C10orf88: variants seen among roughly 807,000 people sequenced by gnomAD.
C10orf88 encodes the protein ATPase PAAT.
In C10orf88, 29 loss-of-function variants were observed where a neutral mutation model predicts 34.2. That is an observed-to-expected ratio of 0.85 (90% CI 0.63 to 1.16). The LOEUF (loss-of-function observed/expected upper bound fraction) is 1.16, where lower values mean the gene tolerates loss of function less well. Ranked by LOEUF, C10orf88 falls within the 50% of genes most tolerant of loss-of-function variation. The pLI is 0.00. For missense variants in C10orf88, 507 were observed against 533.2 expected (o/e 0.95, Z 0.48); for synonymous variants, 194 against 197.4 (o/e 0.98, Z 0.15).
In C10orf88 at chr10:122,939,577, T is replaced by C. The variant is rs570019938; in HGVS notation, c.649-1418A>G. On this transcript the variant is annotated intron_variant, in intron 4 of 5. Transcript: ENST00000481909. ...CCTACTGTAAGTTTATCTTGTTTTA[T>C]AAAATGCAAGTTTTGAATAAACTTG... Among the ~76,000 whole-genome samples, 50 of 152,044 alleles carry C rather than the reference T, an allele frequency of 3.3e-4. No homozygotes were observed. In the South Asian group the frequency reaches 6.4e-3, roughly 20 times the overall value.
Position 122,930,902 on chromosome 10 carries a change from A to C in C10orf88, c.*1525T>G, listed in dbSNP as rs2133325255. 6.6e-6 allele frequency: 1 copy of C among 152,378 alleles called. No homozygotes were observed. Among genetic ancestry groups the C allele is most frequent in the East Asian group, 1.9e-4 (1 of 5,194 alleles). The allele number at this position is 152,378 out of a possible 1,614,324, so 9.4% of individuals were successfully genotyped here. A position where few individuals can be genotyped will look rare whatever the true frequency, so the allele number is the denominator to read the frequency against. On this transcript the variant is annotated 3_prime_UTR_variant, in exon 6 of 6. Coordinates refer to ENST00000481909, the MANE Select transcript of C10orf88 (RefSeq NM_024942.4). ...CAAAGCCAATACGTGAAACCAAAAA[A>C]GAGTGACAAACACTGCAGGTTTTAT...
At chr10:122,946,639 A>G (rs1178082687) in intron 4 of C10orf88, among the ~76,000 whole-genome samples, 18 of 152,342 alleles carry the variant, frequency 1.2e-4, no homozygotes, top group Non-Finnish European at 1.5e-5. Flanking sequence ...TGAGATAAAC[A>G]TGCAACCAAT....
At chr10:122,939,951 G>A (rs558509505) in intron 4 of C10orf88, among the ~76,000 whole-genome samples, 1 of 151,874 alleles carries the variant, frequency 6.6e-6, no homozygotes, top group Non-Finnish European at 1.5e-5. Context: ...CATTGGTTAA[G>A]AATGTAAAAT....
intron 4 of C10orf88, among the ~76,000 whole-genome samples, chr10:122,942,809 G>C (rs1211972691): frequency 1.5e-4 from 23 of 150,774 alleles, no homozygotes; most frequent in African/African-American, 7.3e-5. Context: ...TAGGAATCCA[G>C]CTTACAAGGG....
At chr10:122,948,917 C>T in intron 3 of C10orf88, 62 bp from the exon 4 acceptor site, 2 of 1,430,776 alleles carry the variant, frequency 1.4e-6, no homozygotes, top group Non-Finnish European at 1.9e-6. Flanking sequence ...TTTAATGTAA[C>T]TTCTTGGTAT....
In C10orf88 at chr10:122,932,165, A is replaced by G. The variant is rs917747836; in HGVS notation, c.*262T>C. On this transcript the variant is annotated 3_prime_UTR_variant, in exon 6 of 6. Coordinates refer to ENST00000481909, the MANE Select transcript of C10orf88 (RefSeq NM_024942.4). ...TATTAGAAATCCTCAAGCATTTTAA[A>G]CTCTTAACACAAATATACATACATT... is the stretch of plus-strand genomic sequence containing the variant. 4 of 319,044 alleles carry G rather than the reference A, an allele frequency of 1.3e-5. No individual in the cohort carries two copies. The highest frequency in any genetic ancestry group is 2.3e-5 in the Non-Finnish European group (4 of 174,310). The allele number at this position is 319,044 out of a possible 1,614,324, so 19.8% of individuals were successfully genotyped here. A position where few individuals can be genotyped will look rare whatever the true frequency, so the allele number is the denominator to read the frequency against.
At chr10:122,944,220 T>C (rs1019194268) in intron 4 of C10orf88, among the ~76,000 whole-genome samples, 2 of 151,902 alleles carry the variant, frequency 1.3e-5, no homozygotes, top group Non-Finnish European at 2.9e-5. Context: ...TTCATGTCCT[T>C]TGTAGGGACA....
intron 4 of C10orf88, among the ~76,000 whole-genome samples, chr10:122,944,195 AT>A (rs750791404): frequency 1.2e-4 from 18 of 152,088 alleles, no homozygotes; most frequent in Admixed American, 2.0e-4. Context: ...CTATGCAGCC[AT>A]AAAAAATGGT....
intron 4 of C10orf88, among the ~76,000 whole-genome samples, chr10:122,944,344 G>A (rs1275553966): frequency 7.4e-6 from 1 of 134,986 alleles, no homozygotes; most frequent in Admixed American, 8.6e-5. Context: ...ATGGACACAG[G>A]AAGGGGAACA....
chr10:122,934,461 C>G (rs1485388724), intron 5 of C10orf88, among the ~76,000 whole-genome samples: 1 of 152,094 alleles, frequency 6.6e-6, no homozygotes, highest in Non-Finnish European at 1.5e-5. Context: ...TTTTGAGATT[C>G]TCTTTTGTCA....
intron 3 of C10orf88, among the ~76,000 whole-genome samples, chr10:122,950,616 G>A (rs556661194): frequency 1.3e-5 from 2 of 152,176 alleles, no homozygotes; most frequent in East Asian, 3.9e-4. Flanking sequence ...TAACCCCATA[G>A]CCTTTTTCAC....
At chr10:122,936,068 G>A (rs1848531687) in intron 5 of C10orf88, among the ~76,000 whole-genome samples, 2 of 151,812 alleles carry the variant, frequency 1.3e-5, no homozygotes, top group Non-Finnish European at 2.9e-5. Flanking sequence ...GAAACCTTCA[G>A]TGTAGCCATC....
intron 4 of C10orf88, among the ~76,000 whole-genome samples, chr10:122,939,035 T>C (rs1275320758): frequency 2.0e-5 from 3 of 152,010 alleles, no homozygotes; most frequent in Non-Finnish European, 2.9e-5. Context: ...TGAAACAGAC[T>C]GAAAAAGCAA....
chr10:122,935,577 ATT>A (rs916031780), intron 5 of C10orf88, among the ~76,000 whole-genome samples: 7 of 152,028 alleles, frequency 4.6e-5, no homozygotes, highest in Middle Eastern at 3.4e-3. Context: ...CTTTTTCAAA[ATT>A]TTTTATAGTT....
chr10:122,932,531 T>A lies in C10orf88; in HGVS notation c.1234A>T (p.Ile412Phe), dbSNP rs1480675196. The stretch of plus-strand genomic sequence containing the variant: ...TGCAGCAAATCCAGTAACAAAGCAA[T>A]CTTATCATCAATGTGCTCCTGGAGT... ...HELQEHIDDK[I>F]ALLLDLLQNP... The change falls in exon 6 of 6, where the codon ATT (isoleucine) becomes TTT (phenylalanine). Residue 412 changes from isoleucine to phenylalanine, a missense_variant. Transcript: ENST00000481909. 6.2e-7 allele frequency: 1 copy of A among 1,613,994 alleles called. No individual in the cohort carries two copies. The highest frequency in any genetic ancestry group is 8.5e-7 in the Non-Finnish European group (1 of 1,179,954).
intron 1 of C10orf88, 85 bp from the exon 2 acceptor site, chr10:122,953,117 G>A (rs1035010461): frequency 8.7e-7 from 1 of 1,146,002 alleles, no homozygotes; most frequent in Non-Finnish European, 1.3e-6. Context: ...TGGCTCTGTC[G>A]CCCAGGCTGG....
At chr10:122,937,298 G>A (rs1183144430) in intron 5 of C10orf88, among the ~76,000 whole-genome samples, 2 of 151,942 alleles carry the variant, frequency 1.3e-5, no homozygotes, top group South Asian at 2.1e-4. Context: ...TCAGGAATTT[G>A]CCTAGACCAA....
chr10:122,949,064 C>A (rs1477933830), intron 3 of C10orf88, among the ~76,000 whole-genome samples: 2 of 151,998 alleles, frequency 1.3e-5, no homozygotes, highest in African/African-American at 4.8e-5. Context: ...AATAAGAGTC[C>A]TTTCAAAAAT....
In C10orf88 at chr10:122,954,186, C is replaced by A. The variant is rs1404084974; in HGVS notation, c.-8G>T. The A allele has an allele frequency of 6.4e-7, 1 of 1,557,346 alleles. No individual in the cohort carries two copies. Among genetic ancestry groups the A allele is most frequent in the Non-Finnish European group, 8.6e-7 (1 of 1,159,066 alleles). On this transcript the variant is annotated 5_prime_UTR_variant, in exon 1 of 6. Coordinates refer to ENST00000481909, the MANE Select transcript of C10orf88 (RefSeq NM_024942.4). ...CTCGGTCCGCGTCTCCATTCCGCCG[C>A]CTTCAGTCAGGCCAGCCCAGCCCCG...
Sources: gnomAD v4.1 joint callset for allele counts (sites outside exome capture counted in the v4.1 genomes callset) on GRCh38, gnomAD v4.1.1 for gene constraint, MANE v1.5 for transcripts, NCBI Gene and HGNC (gene_info 2026-07-23, HGNC 2026-07-21) for gene names.